LEKR1: variants seen among roughly 807,000 people sequenced by gnomAD.
The protein encoded by LEKR1 is protein LEKR1.
Under a neutral mutation model 72.4 loss-of-function variants are expected in LEKR1, and 59 were observed. The ratio of observed to expected loss-of-function variants is 0.82; its 90% CI spans 0.66 to 1.01. LEKR1 has a LOEUF of 1.01. Among genes scored for constraint, LEKR1 ranks in the 50% least tolerant of loss-of-function variants. LEKR1 has a pLI of 0.00. For synonymous variants in LEKR1, 257 were observed against 263.2 expected, an observed-to-expected ratio of 0.98 and a Z score of 0.23; for missense variants, 728 against 759.2, an observed-to-expected ratio of 0.96 and a Z score of 0.48.
chr3:156,847,410 A>G (rs1714746354), intron 2 of LEKR1, among the ~76,000 whole-genome samples: 1 of 152,226 alleles, frequency 6.6e-6, no homozygotes, highest in Non-Finnish European at 1.5e-5. Context: ...TGTTAATGAT[A>G]GGCCTTTTGT....
chr3:156,844,647 CTG>C (rs3060736), intron 2 of LEKR1, among the ~76,000 whole-genome samples: 23,773 of 151,964 alleles, frequency 0.16, 2,100 homozygotes, highest in South Asian at 0.25. Flanking sequence ...TTTTTTCAAT[CTG>C]TAATTTTCTG....
intron 12 of LEKR1, among the ~76,000 whole-genome samples, chr3:157,037,556 C>T (rs1441978943): frequency 6.6e-6 from 1 of 152,070 alleles, no homozygotes; most frequent in Non-Finnish European, 1.5e-5. Context: ...CTAGCTTAAA[C>T]TTAGTAACAG....
At chr3:156,942,118 AC>A (rs1726263409) in intron 5 of LEKR1, among the ~76,000 whole-genome samples, 1 of 151,922 alleles carries the variant, frequency 6.6e-6, no homozygotes, top group Admixed American at 6.6e-5. Flanking sequence ...ATTCTAGTTA[AC>A]CCCTTAGAAA....
chr3:156,854,843 G>T (rs768500877), intron 3 of LEKR1, among the ~76,000 whole-genome samples: 4 of 151,614 alleles, frequency 2.6e-5, no homozygotes, highest in African/African-American at 9.7e-5. Flanking sequence ...CATGAGCCAC[G>T]TGCCCAGCCT....
chr3:156,932,349 T>C (rs946810391), intron 5 of LEKR1, among the ~76,000 whole-genome samples: 1 of 152,230 alleles, frequency 6.6e-6, no homozygotes, highest in Non-Finnish European at 1.5e-5. Context: ...TATGACAATA[T>C]GCTTTTAAAT....
intron 3 of LEKR1, among the ~76,000 whole-genome samples, chr3:156,865,619 A>G (rs1560035579): frequency 6.6e-6 from 1 of 151,182 alleles, no homozygotes; most frequent in South Asian, 2.1e-4. Context: ...ATCATTGCCC[A>G]TTTTCAATTC....
At chr3:156,872,704 A>G (rs1353341399) in intron 3 of LEKR1, among the ~76,000 whole-genome samples, 7 of 151,980 alleles carry the variant, frequency 4.6e-5, no homozygotes, top group Admixed American at 1.3e-4. Flanking sequence ...TTTAACCCAA[A>G]GTTGTTCAGG....
intron 3 of LEKR1, among the ~76,000 whole-genome samples, chr3:156,880,442 T>C (rs1719156169): frequency 3.9e-5 from 6 of 152,196 alleles, no homozygotes. Context: ...CTCCCAAGAC[T>C]AAACCAGTAA....
chr3:157,041,907 C>G (rs1194448238), intron 12 of LEKR1, among the ~76,000 whole-genome samples: 1 of 152,188 alleles, frequency 6.6e-6, no homozygotes, highest in African/African-American at 2.4e-5. Flanking sequence ...TGATTCTTTT[C>G]ACGTATGATG....
At chr3:156,886,371 G>T (rs1020511997) in intron 3 of LEKR1, among the ~76,000 whole-genome samples, 2 of 151,970 alleles carry the variant, frequency 1.3e-5, no homozygotes, top group Non-Finnish European at 2.9e-5. Flanking sequence ...TTCAAACCTT[G>T]CCCCTCCCCA....
intron 3 of LEKR1, among the ~76,000 whole-genome samples, chr3:156,881,064 G>A (rs1352070411): frequency 5.9e-5 from 9 of 152,158 alleles, no homozygotes; most frequent in African/African-American, 2.2e-4. Context: ...GCAAAAACTG[G>A]AAGCATTCTC....
rs144873069 is a variant in LEKR1 at position 156,944,291 on chromosome 3, A to G, written c.745+1577A>G. On this transcript the variant is annotated intron_variant, in intron 6 of 12. Coordinates refer to ENST00000356539, the MANE Select transcript of LEKR1 (RefSeq NM_001004316.3). ...TTTTTAATTTTTGTGGGTACATAGT[A>G]GGGGTATATATTTATAGGATACATG... Among the ~76,000 whole-genome samples, 33 of 151,866 alleles carry G rather than the reference A, an allele frequency of 2.2e-4. 1 individual carries two copies. The East Asian group carries it at 5.6e-3, about 26-fold the overall frequency.
At chr3:156,887,669 G>A (rs551147830) in intron 3 of LEKR1, among the ~76,000 whole-genome samples, 1 of 151,984 alleles carries the variant, frequency 6.6e-6, no homozygotes. Flanking sequence ...ATAGTAATAT[G>A]AATTTTAATC....
At chr3:156,922,278 A>G (rs1724267264) in intron 4 of LEKR1, among the ~76,000 whole-genome samples, 1 of 152,176 alleles carries the variant, frequency 6.6e-6, no homozygotes, top group Admixed American at 6.6e-5. Flanking sequence ...TTGCATTACT[A>G]AAAGCTGATT....
intron 11 of LEKR1, among the ~76,000 whole-genome samples, chr3:157,026,454 G>A (rs1338454453): frequency 6.6e-6 from 1 of 152,130 alleles, no homozygotes; most frequent in East Asian, 1.9e-4. Flanking sequence ...CATATTTGTG[G>A]TTATGTGAAC....
intron 3 of LEKR1, among the ~76,000 whole-genome samples, chr3:156,875,050 T>A (rs866950885): frequency 7.2e-5 from 11 of 152,354 alleles, no homozygotes; most frequent in Middle Eastern, 6.8e-3. Context: ...GGGAAGTCAG[T>A]AGTGGGATTG....
At chr3:156,848,798 C>G (rs1226172034) in intron 2 of LEKR1, among the ~76,000 whole-genome samples, 1 of 152,132 alleles carries the variant, frequency 6.6e-6, no homozygotes, top group East Asian at 1.9e-4. Context: ...TTGCAAAAGA[C>G]ATAAAGCTTA....
chr3:157,045,797 A>G lies in LEKR1; in HGVS notation c.*47A>G, dbSNP rs1343792942. 1 of 1,495,552 alleles carries G rather than the reference A, an allele frequency of 6.7e-7. No homozygotes were observed. The highest frequency in any genetic ancestry group is 9.1e-7 in the Non-Finnish European group (1 of 1,096,946). The allele number at this position is 1,495,552 out of a possible 1,614,324, so 92.6% of individuals were successfully genotyped here. On this transcript the variant is annotated 3_prime_UTR_variant, in exon 13 of 13. Transcript: ENST00000356539. ...CTCCCTACAGCGTGCACGCTCTTTCAGAGAGTGCCAGGAATTCACTGTAAC... is the reference window on the plus strand; with the variant it reads ...CTCCCTACAGCGTGCACGCTCTTTCGGAGAGTGCCAGGAATTCACTGTAAC...
At chr3:156,878,506 G>T (rs944829795) in intron 3 of LEKR1, among the ~76,000 whole-genome samples, 2 of 152,060 alleles carry the variant, frequency 1.3e-5, no homozygotes, top group Non-Finnish European at 1.5e-5. Flanking sequence ...ATATAATTTT[G>T]ATTTTCTTAA....
Sources: gnomAD v4.1 joint callset for allele counts (sites outside exome capture counted in the v4.1 genomes callset) on GRCh38, gnomAD v4.1.1 for gene constraint, MANE v1.5 for transcripts, NCBI Gene and HGNC (gene_info 2026-07-23, HGNC 2026-07-21) for gene names.